RAD18: variants seen among roughly 807,000 people sequenced by gnomAD.
The protein encoded by RAD18 is E3 ubiquitin-protein ligase RAD18.
A neutral mutation model predicts 60.4 loss-of-function variants in RAD18; 47 were observed. The ratio of observed to expected loss-of-function variants is 0.78; its 90% confidence interval spans 0.62 to 0.99. RAD18 has a LOEUF of 0.99. RAD18 is among the 50% of genes least tolerant of loss of function. The probability of loss-of-function intolerance (pLI) is 0.00; values close to 1 mark genes in which losing one functional copy is unlikely to be tolerated. For synonymous variants in RAD18, 225 were observed against 195.5 expected, an observed-to-expected ratio of 1.15 and a Z score of -1.26; for missense variants, 640 against 593.3, an observed-to-expected ratio of 1.08 and a Z score of -0.82.
At chr3:8,906,134 T>C (rs992131681) in intron 9 of RAD18, among the ~76,000 whole-genome samples, 3 of 152,266 alleles carry the variant, frequency 2.0e-5, no homozygotes, top group Admixed American at 6.5e-5. Context: ...ATAAAGAGAA[T>C]AGAAAGTATC....
Position 8,958,924 on chromosome 3 carries a change from AT to A in RAD18, c.128del (p.His43LeufsTer8), listed in dbSNP as rs1181111323. ...NIAMIIPQCS[H>X]NYCSLCIRKF... ...ACAGGAACAAAACATACTTACAGTT[AT>A]GTGAACACTGAGGTATTATCATTGC... On this transcript the variant is annotated frameshift_variant, in exon 2 of 13. Coordinates refer to ENST00000264926, the MANE Select transcript of RAD18 (RefSeq NM_020165.4). LOFTEE classifies it high-confidence loss of function. The A allele has an allele frequency of 1.9e-6, 3 of 1,611,408 alleles. No individual in the cohort carries two copies. Among genetic ancestry groups the A allele is most frequent in the Non-Finnish European group, 2.5e-6 (3 of 1,177,788 alleles).
At chr3:8,946,412 G>C (rs1462030109) in intron 4 of RAD18, among the ~76,000 whole-genome samples, 1 of 152,166 alleles carries the variant, frequency 6.6e-6, no homozygotes, top group Non-Finnish European at 1.5e-5. Context: ...ACATTTCTCA[G>C]AACACATCCC....
At chr3:8,941,071 G>C (rs1385012230) in intron 5 of RAD18, among the ~76,000 whole-genome samples, 2 of 152,168 alleles carry the variant, frequency 1.3e-5, no homozygotes, top group Non-Finnish European at 2.9e-5. Context: ...GACTAGGTTA[G>C]GCCTCAAATT....
chr3:8,961,455 C>T (rs1941094319), intron 1 of RAD18, among the ~76,000 whole-genome samples: 1 of 152,168 alleles, frequency 6.6e-6, no homozygotes, highest in African/African-American at 2.4e-5. Flanking sequence ...GAAAAACATA[C>T]ATGCAAAAAT....
chr3:8,923,177 AC>A (rs1940360780), intron 7 of RAD18, among the ~76,000 whole-genome samples: 1 of 152,158 alleles, frequency 6.6e-6, no homozygotes, highest in African/African-American at 2.4e-5. Flanking sequence ...AAAAGATTAG[AC>A]GAATGGCTAA....
At chr3:8,946,226 G>A (rs1023020833) in intron 4 of RAD18, among the ~76,000 whole-genome samples, 11 of 152,112 alleles carry the variant, frequency 7.2e-5, no homozygotes, top group Admixed American at 2.0e-4. Flanking sequence ...TACACTAATA[G>A]GTACCATTGT....
intron 11 of RAD18, among the ~76,000 whole-genome samples, chr3:8,893,869 T>C (rs1019169242): frequency 5.3e-5 from 8 of 151,956 alleles, no homozygotes; most frequent in Admixed American, 2.0e-4. Context: ...TTTAAATATT[T>C]TGTAGAGATG....
chr3:8,890,094 T>A (rs1939658207), intron 12 of RAD18: 1 of 362,982 alleles, frequency 2.8e-6, no homozygotes, highest in African/African-American at 2.1e-5. Context: ...GAAATCACAT[T>A]TCTCAGGACG....
chr3:8,926,691 G>A (rs1236553202), intron 7 of RAD18, among the ~76,000 whole-genome samples: 2 of 152,140 alleles, frequency 1.3e-5, no homozygotes, highest in Non-Finnish European at 2.9e-5. Flanking sequence ...AAACAGCATG[G>A]TACTGGTACC....
At position 8,894,587 on chromosome 3, in the gene RAD18, C is replaced by T. The variant is rs546887129; in HGVS notation, c.1323-4136G>A. Among the ~76,000 whole-genome samples, 88 of 152,186 alleles carry T rather than the reference C, an allele frequency of 5.8e-4. No individual in the cohort carries two copies. In the South Asian group the frequency reaches 6.7e-3, roughly 12 times the overall value. On this transcript the variant is annotated intron_variant, in intron 11 of 12. Transcript: ENST00000264926. The stretch of plus-strand genomic sequence containing the variant: ...TCATAAAGCCAATGGCTGAGCTGAC[C>T]TCCCACAATGAAACAAGGAAGACTG...
chr3:8,912,124 T>C (rs1940113999), intron 9 of RAD18, among the ~76,000 whole-genome samples, 188 bp downstream of exon 9: 1 of 151,938 alleles, frequency 6.6e-6, no homozygotes, highest in Non-Finnish European at 1.5e-5. Context: ...GTCATAAAAA[T>C]CAAAAAGCAG....
At chr3:8,934,854 T>A (rs560152048) in intron 7 of RAD18, among the ~76,000 whole-genome samples, 1 of 152,250 alleles carries the variant, frequency 6.6e-6, no homozygotes, top group East Asian at 1.9e-4. Flanking sequence ...AGATGATACG[T>A]TTATACAATG....
chr3:8,945,221 T>C (rs946067720), intron 4 of RAD18, among the ~76,000 whole-genome samples: 3 of 152,172 alleles, frequency 2.0e-5, no homozygotes, highest in African/African-American at 7.2e-5. Flanking sequence ...TGTACTAAAT[T>C]TGATCGTTTT....
chr3:8,890,744 T>G (rs1005140115), intron 11 of RAD18, among the ~76,000 whole-genome samples: 2 of 152,138 alleles, frequency 1.3e-5, no homozygotes, highest in Non-Finnish European at 2.9e-5. Flanking sequence ...CCACCCCTAC[T>G]TCAACAGAAG....
rs1439369255 is a variant in RAD18, at chr3:8,952,992, C to A, written c.134-4422G>T. Among the ~76,000 whole-genome samples the A allele has an allele frequency of 2.0e-5, 3 of 152,132 alleles. No homozygotes were observed. The South Asian group carries it at 6.2e-4, about 32-fold the overall frequency. The stretch of plus-strand genomic sequence containing the variant: ...ACCTATCTCTAGCCTGGGAAAAGAT[C>A]AAAATTCAAAATTCAAAGTATGGTT... On this transcript the variant is annotated intron_variant, in intron 2 of 12. Coordinates refer to ENST00000264926, the MANE Select transcript of RAD18 (RefSeq NM_020165.4).
chr3:8,917,769 C>T (rs1332108310), intron 7 of RAD18, among the ~76,000 whole-genome samples: 1 of 151,874 alleles, frequency 6.6e-6, no homozygotes, highest in Non-Finnish European at 1.5e-5. Flanking sequence ...AATTCAAAGC[C>T]AACTGCACCA....
intron 7 of RAD18, among the ~76,000 whole-genome samples, chr3:8,922,675 C>T (rs938165479): frequency 1.3e-5 from 2 of 152,198 alleles, no homozygotes; most frequent in Non-Finnish European, 2.9e-5. Context: ...CCAGTAGGGG[C>T]AGACTGACAC....
chr3:8,895,232 T>A lies in RAD18; in HGVS notation c.1322+3662A>T, dbSNP rs1013484047. On this transcript the variant is annotated intron_variant, in intron 11 of 12. Transcript: ENST00000264926. ...AAAGGCTATAATAAAATACACACAGTAATGAGGTTTAGTAGAAAAAGATTT... is the reference window on the plus strand; with the variant it reads ...AAAGGCTATAATAAAATACACACAGAAATGAGGTTTAGTAGAAAAAGATTT... Among the ~76,000 whole-genome samples, 4 of 152,156 alleles carry A rather than the reference T, an allele frequency of 2.6e-5. No homozygotes were observed. In the South Asian group the frequency reaches 6.2e-4, roughly 24 times the overall value.
In RAD18 at chr3:8,893,101, C is replaced by T. The variant is rs2125047841; in HGVS notation, c.1323-2650G>A. ...TGAATTATCTGAATAATTGCCTCAG[C>T]ACCATGCTCCAATTTGCCCGAGAAA... On this transcript the variant is annotated intron_variant, in intron 11 of 12. Coordinates refer to ENST00000264926, the MANE Select transcript of RAD18 (RefSeq NM_020165.4). Among the ~76,000 whole-genome samples the T allele has an allele frequency of 2.0e-5, 3 of 152,280 alleles. No individual in the cohort carries two copies. The South Asian group carries it at 6.2e-4, about 32-fold the overall frequency.
Sources: gnomAD v4.1 joint callset for allele counts (sites outside exome capture counted in the v4.1 genomes callset) on GRCh38, gnomAD v4.1.1 for gene constraint, MANE v1.5 for transcripts, NCBI Gene and HGNC (gene_info 2026-07-23, HGNC 2026-07-21) for gene names.